The following CRACD variants were observed in gnomAD, a reference collection of about 807,000 sequenced individuals.
CRACD encodes the protein capping protein-inhibiting regulator of actin dynamics.
A neutral mutation model predicts 106.8 loss-of-function variants in CRACD; 56 were observed. That is an observed-to-expected ratio of 0.52 (90% CI 0.42 to 0.66). CRACD has a LOEUF of 0.66. CRACD is among the 30% of genes least tolerant of loss of function. The pLI, the probability that CRACD is intolerant of heterozygous loss-of-function variation, is 0.00. For missense variants in CRACD, 1,730 were observed against 1,623.2 expected, an observed-to-expected ratio of 1.07 and a Z score of -1.13; for synonymous variants, 754 against 670.8, an observed-to-expected ratio of 1.12 and a Z score of -1.92.
At chr4:56,123,399 A>G (rs1007560237) in intron 1 of CRACD, among the ~76,000 whole-genome samples, 4 of 152,202 alleles carry the variant, frequency 2.6e-5, no homozygotes, top group African/African-American at 9.6e-5. Context: ...TTCTCTCTGT[A>G]TCCTTATAAG....
chr4:56,178,909 A>T (rs985818715), intron 1 of CRACD, among the ~76,000 whole-genome samples: 1 of 152,206 alleles, frequency 6.6e-6, no homozygotes, highest in Non-Finnish European at 1.5e-5. Context: ...GAAATAACCT[A>T]ATGATTACTG....
chr4:56,237,819 T>C (rs1740076495), intron 2 of CRACD, among the ~76,000 whole-genome samples: 1 of 151,726 alleles, frequency 6.6e-6, no homozygotes, highest in Non-Finnish European at 1.5e-5. Flanking sequence ...TCAGTAGATA[T>C]AAATATAGGC....
intron 2 of CRACD, among the ~76,000 whole-genome samples, chr4:56,213,589 T>G (rs929533178): frequency 3.3e-5 from 5 of 152,126 alleles, no homozygotes; most frequent in Admixed American, 2.0e-4. Context: ...CAGCCACATG[T>G]TGGAAGATTT....
chr4:56,114,345 G>A (rs1734214014), intron 1 of CRACD, among the ~76,000 whole-genome samples: 2 of 152,000 alleles, frequency 1.3e-5, no homozygotes, highest in Admixed American at 6.6e-5. Flanking sequence ...AGGGGTTGAA[G>A]GGCATGCCAG....
At chr4:56,262,039 A>G (rs1741739040) in intron 2 of CRACD, among the ~76,000 whole-genome samples, 1 of 152,224 alleles carries the variant, frequency 6.6e-6, no homozygotes, top group South Asian at 2.1e-4. Context: ...CACATACTAA[A>G]AAGGATAGAA....
At chr4:56,107,452 A>G (rs1733986791) in intron 1 of CRACD, among the ~76,000 whole-genome samples, 1 of 152,128 alleles carries the variant, frequency 6.6e-6, no homozygotes, top group Non-Finnish European at 1.5e-5. Flanking sequence ...AATTTTAGCT[A>G]CTATTAATCC....
chr4:56,188,468 CTCT>C (rs1189647288), intron 2 of CRACD, among the ~76,000 whole-genome samples: 1 of 151,952 alleles, frequency 6.6e-6, no homozygotes, highest in Admixed American at 6.6e-5. Flanking sequence ...TGCCCATCTT[CTCT>C]TCTCCATCTC....
chr4:56,054,288 C>T (rs12640000), intron 1 of CRACD, among the ~76,000 whole-genome samples: 35,588 of 152,060 alleles, frequency 0.23, 4,949 homozygotes, highest in Non-Finnish European at 0.3. Flanking sequence ...TCAAGTGATC[C>T]TCCTAGCTCA....
chr4:56,209,890 A>G (rs1346010182), intron 2 of CRACD, among the ~76,000 whole-genome samples: 1 of 152,160 alleles, frequency 6.6e-6, no homozygotes, highest in Non-Finnish European at 1.5e-5. Flanking sequence ...CAAGGTGGCT[A>G]TGAAGGGCAG....
intron 2 of CRACD, among the ~76,000 whole-genome samples, chr4:56,243,336 A>G (rs1740480198): frequency 1.3e-5 from 2 of 152,346 alleles, no homozygotes; most frequent in Middle Eastern, 3.4e-3. Context: ...TCAAGGCCTT[A>G]GGGGATGGTG....
chr4:56,289,451 C>T (rs768336801), intron 3 of CRACD, among the ~76,000 whole-genome samples: 4 of 152,020 alleles, frequency 2.6e-5, no homozygotes, highest in East Asian at 1.9e-4. Context: ...GCAGGAGGAT[C>T]GCTTGAGCCC....
chr4:56,210,742 C>T (rs927223450), intron 2 of CRACD, among the ~76,000 whole-genome samples: 11 of 152,236 alleles, frequency 7.2e-5, no homozygotes, highest in Middle Eastern at 3.4e-3. Context: ...TTTTACAAAA[C>T]GATTTGAAGA....
chr4:56,307,822 G>A (rs1308660462), intron 5 of CRACD, 123 bp downstream of exon 5: 4 of 894,366 alleles, frequency 4.5e-6, no homozygotes, highest in Non-Finnish European at 5.1e-6. Context: ...GAGTAGCTCA[G>A]GGCTTGAGGG....
chr4:56,117,212 G>T (rs1734324358), intron 1 of CRACD, among the ~76,000 whole-genome samples: 1 of 151,782 alleles, frequency 6.6e-6, no homozygotes, highest in Non-Finnish European at 1.5e-5. Context: ...TAGTAGAGAC[G>T]GGGTTTCACC....
In CRACD at chr4:56,314,885, A is replaced by G; in HGVS notation, c.1383A>G (p.Arg461=). 1 of 1,611,174 alleles carries G rather than the reference A, an allele frequency of 6.2e-7. No homozygotes were observed. Among genetic ancestry groups the G allele is most frequent in the Admixed American group, 1.7e-5 (1 of 59,610 alleles). ...AGCAGAACCCAGAGGCCGAGCGGCG[A>G]AGAGAGCAGCAGGGAAGGAGCGGGG... ...CEEQNPEAER[R]REQQGRSGDF... The change falls in exon 8 of 11, where the codon CGA becomes CGG. Residue 461 remains arginine (R), a synonymous_variant. Coordinates refer to ENST00000682029, the MANE Select transcript of CRACD (RefSeq NM_001393381.1). The surrounding 1 kb of genome is among the most constrained non-coding windows in gnomAD (Gnocchi z 4.4).
At chr4:56,236,747 AAAAC>A (rs936012765) in intron 2 of CRACD, among the ~76,000 whole-genome samples, 1 of 152,202 alleles carries the variant, frequency 6.6e-6, no homozygotes, top group African/African-American at 2.4e-5. Context: ...CTAAAAAAAA[AAAAC>A]AAAACTTTTG....
intron 1 of CRACD, among the ~76,000 whole-genome samples, chr4:56,176,657 G>T (rs143774308): frequency 5.7e-4 from 86 of 151,932 alleles, no homozygotes; most frequent in African/African-American, 2.0e-3. Context: ...GGATGGTCTC[G>T]ATCTCCTGAC....
At chr4:56,287,392 T>C (rs1743433956) in intron 3 of CRACD, among the ~76,000 whole-genome samples, 2 of 151,988 alleles carry the variant, frequency 1.3e-5, no homozygotes, top group Non-Finnish European at 2.9e-5. Flanking sequence ...AAGCAATTCT[T>C]CTGTCTCAGC....
Position 56,310,516 on chromosome 4 carries a change from T to C in CRACD, c.286-150T>C, listed in dbSNP as rs1577894850. On this transcript the variant is annotated intron_variant, in intron 5 of 10. Coordinates refer to ENST00000682029, the MANE Select transcript of CRACD (RefSeq NM_001393381.1). ...TGGTGGAGTTTGGATATTAGCATAG[T>C]CTCCACTGGGACACCTGCTGGCTCT... The C allele has an allele frequency of 9.8e-6, 6 of 615,046 alleles. No individual in the cohort carries two copies. The East Asian group carries it at 1.7e-4, about 17-fold the overall frequency. 38.1% of individuals were successfully genotyped at this position (615,046 alleles called of 1,614,324 possible).
Sources: allele counts gnomAD v4.1 joint callset (sites outside exome capture counted in the v4.1 genomes callset), GRCh38; gene constraint gnomAD v4.1.1; non-coding constraint Gnocchi (gnomAD v3.1); transcripts MANE v1.5; gene names NCBI Gene and HGNC (gene_info 2026-07-23, HGNC 2026-07-21).